UNC5C: variants seen among roughly 807,000 people sequenced by gnomAD.
UNC5C encodes the protein unc-5 netrin receptor C.
In UNC5C, 47 loss-of-function variants were observed where a neutral mutation model predicts 99.8. The observed-to-expected ratio is 0.47, with a 90% confidence interval of 0.37 to 0.60. UNC5C has a LOEUF of 0.60. Among genes scored for constraint, UNC5C ranks in the 20% least tolerant of loss-of-function variants. UNC5C has a pLI of 0.00. For synonymous variants in UNC5C, 487 were observed against 452.2 expected, an observed-to-expected ratio of 1.08 and a Z score of -0.98; for missense variants, 1,062 against 1,165.9, an observed-to-expected ratio of 0.91 and a Z score of 1.30.
chr4:95,528,684 G>C (rs1360025743), intron 1 of UNC5C, among the ~76,000 whole-genome samples: 4 of 152,114 alleles, frequency 2.6e-5, no homozygotes, highest in East Asian at 3.9e-4. Flanking sequence ...ATAACCCTGG[G>C]AGAGCCAAGT....
At chr4:95,424,111 TTCTA>T (rs1388427887) in intron 1 of UNC5C, among the ~76,000 whole-genome samples, 1 of 152,084 alleles carries the variant, frequency 6.6e-6, no homozygotes, top group Non-Finnish European at 1.5e-5. Context: ...TTATAAAGGG[TTCTA>T]TTTTTTCTCA....
intron 15 of UNC5C, among the ~76,000 whole-genome samples, 192 bp from the exon 16 acceptor site, chr4:95,169,591 G>A (rs1405945539): frequency 6.6e-6 from 1 of 152,168 alleles, no homozygotes. Flanking sequence ...GTTTAACTTT[G>A]TGAACCTCAG....
At chr4:95,405,541 C>T (rs901489623) in intron 1 of UNC5C, among the ~76,000 whole-genome samples, 3 of 152,256 alleles carry the variant, frequency 2.0e-5, no homozygotes, top group Middle Eastern at 3.4e-3. Context: ...CTAGTTGCTG[C>T]GAACCCAAAA....
chr4:95,269,496 C>T (rs1323308198), intron 4 of UNC5C, among the ~76,000 whole-genome samples: 1 of 151,878 alleles, frequency 6.6e-6, no homozygotes, highest in Non-Finnish European at 1.5e-5. Context: ...TTACATTGCC[C>T]AGGCTGGTCT....
intron 1 of UNC5C, among the ~76,000 whole-genome samples, chr4:95,354,979 T>C (rs1477598274): frequency 2.0e-5 from 3 of 152,308 alleles, no homozygotes; most frequent in East Asian, 1.9e-4. Flanking sequence ...GTGCTTATTA[T>C]GCTCAGGGAG....
chr4:95,402,519 A>G (rs1213383397), intron 1 of UNC5C, among the ~76,000 whole-genome samples: 1 of 152,238 alleles, frequency 6.6e-6, no homozygotes, highest in Non-Finnish European at 1.5e-5. Flanking sequence ...TTCTGATCAC[A>G]CAGATAAATA....
intron 10 of UNC5C, among the ~76,000 whole-genome samples, chr4:95,211,011 C>T (rs561890590): frequency 6.6e-6 from 1 of 152,306 alleles, no homozygotes; most frequent in South Asian, 2.1e-4. Context: ...GTTTCAAACA[C>T]AAATCATTTA....
At position 95,301,679 on chromosome 4, in the gene UNC5C, A is replaced by G; in HGVS notation, c.417T>C (p.Asp139=). 1 of 1,613,700 alleles carries G rather than the reference A, an allele frequency of 6.2e-7. No homozygotes were observed. Residue 139 remains aspartate (D), a synonymous_variant, in exon 3 of 16, where the codon GAT becomes GAC. Coordinates refer to ENST00000453304, the MANE Select transcript of UNC5C (RefSeq NM_003728.4). ...QQVEELFGPE[D]YWCQCVAWSS... is the part of the protein sequence containing the mutation. The stretch of plus-strand genomic sequence containing the variant: ...TCCAGGCCACACACTGGCACCAGTA[A>G]TCTTCAGGTCCAAAGAGTTCTTCCA...
intron 1 of UNC5C, among the ~76,000 whole-genome samples, chr4:95,350,673 T>C (rs763746868): frequency 2.0e-5 from 3 of 152,138 alleles, no homozygotes; most frequent in Non-Finnish European, 4.4e-5. Flanking sequence ...CCTTACTAGC[T>C]AACTAATAAG....
At chr4:95,177,256 T>C (rs1418487495) in intron 14 of UNC5C, among the ~76,000 whole-genome samples, 1 of 152,142 alleles carries the variant, frequency 6.6e-6, no homozygotes, top group Non-Finnish European at 1.5e-5. Flanking sequence ...TTCGGCTGTC[T>C]CTCTCTTTTT....
chr4:95,376,578 T>A (rs1046701575), intron 1 of UNC5C, among the ~76,000 whole-genome samples: 3 of 152,200 alleles, frequency 2.0e-5, no homozygotes, highest in Admixed American at 6.5e-5. Context: ...CCTCTTGAAA[T>A]GTTCAAGTGA....
At chr4:95,418,411 T>C (rs1746229356) in intron 1 of UNC5C, among the ~76,000 whole-genome samples, 1 of 152,210 alleles carries the variant, frequency 6.6e-6, no homozygotes, top group African/African-American at 2.4e-5. Flanking sequence ...TTACATTATC[T>C]TTTAAGCAAT....
intron 4 of UNC5C, among the ~76,000 whole-genome samples, chr4:95,271,451 G>T (rs1041457841): frequency 4.1e-4 from 63 of 151,848 alleles, no homozygotes; most frequent in Non-Finnish European, 1.3e-4. Flanking sequence ...GGATGGTCTC[G>T]ATCTCCTGAC....
chr4:95,398,442 C>T (rs1411674316), intron 1 of UNC5C, among the ~76,000 whole-genome samples: 1 of 152,082 alleles, frequency 6.6e-6, no homozygotes, highest in Admixed American at 6.6e-5. Flanking sequence ...CTCATTCATT[C>T]ATTCATTCAT....
chr4:95,245,561 TAA>T (rs910069612), intron 5 of UNC5C, among the ~76,000 whole-genome samples: 1 of 151,996 alleles, frequency 6.6e-6, no homozygotes, highest in Non-Finnish European at 1.5e-5. Context: ...AATTTAGCCT[TAA>T]AAAAAAGATT....
At chr4:95,310,503 G>A (rs959172038) in intron 2 of UNC5C, among the ~76,000 whole-genome samples, 8 of 152,040 alleles carry the variant, frequency 5.3e-5, no homozygotes, top group Non-Finnish European at 2.9e-5. Context: ...GCTTGATTTA[G>A]CCATTCCATG....
chr4:95,472,603 T>A (rs1467763435), intron 1 of UNC5C, among the ~76,000 whole-genome samples: 1 of 152,122 alleles, frequency 6.6e-6, no homozygotes, highest in African/African-American at 2.4e-5. Flanking sequence ...CTGAAGCCTG[T>A]TCCCTGTGCT....
intron 1 of UNC5C, among the ~76,000 whole-genome samples, chr4:95,478,957 C>A (rs1046143845): frequency 3.3e-5 from 5 of 151,828 alleles, no homozygotes; most frequent in African/African-American, 1.2e-4. Context: ...CTCTCCTATT[C>A]CCCCTCTCAT....
intron 1 of UNC5C, among the ~76,000 whole-genome samples, chr4:95,425,382 C>T (rs540284756): frequency 6.6e-6 from 1 of 152,336 alleles, no homozygotes; most frequent in East Asian, 1.9e-4. Context: ...AGTGCAGTGG[C>T]GCGATCTCGG....
Sources: allele counts gnomAD v4.1 joint callset (sites outside exome capture counted in the v4.1 genomes callset), GRCh38; gene constraint gnomAD v4.1.1; transcripts MANE v1.5; gene names NCBI Gene and HGNC (gene_info 2026-07-23, HGNC 2026-07-21).